Variants in PRPF40B observed in about 807,000 individuals in gnomAD.
The protein encoded by PRPF40B is pre-mRNA processing factor 40B, also known as pre-mRNA-processing factor 40 homolog B.
A neutral mutation model predicts 124.5 loss-of-function variants in PRPF40B; 56 were observed. The ratio of observed to expected loss-of-function variants is 0.45; its 90% CI spans 0.36 to 0.56. The LOEUF (loss-of-function observed/expected upper bound fraction) is 0.56. PRPF40B is among the 20% of genes least tolerant of loss of function. The pLI is 0.00. For missense variants in PRPF40B, 1,053 were observed against 1,169.5 expected, an observed-to-expected ratio of 0.90 and a Z score of 1.45; for synonymous variants, 443 against 426.4, an observed-to-expected ratio of 1.04 and a Z score of -0.48.
chr12:49,632,989 A>G, intron 6 of PRPF40B, 25 bp from the exon 7 acceptor site: 25 of 1,395,510 alleles, frequency 1.8e-5, no homozygotes, highest in African/African-American at 2.9e-5. Context: ...CTTGACCACC[A>G]TTCTGTGCCC....
Position 49,630,616 on chromosome 12 carries a change from A to G in PRPF40B, c.75A>G (p.Pro25=). The G allele has an allele frequency of 7.6e-7, 1 of 1,307,190 alleles. No individual in the cohort carries two copies. Among genetic ancestry groups the G allele is most frequent in the Non-Finnish European group, 1.1e-6 (1 of 902,534 alleles). The allele number at this position is 1,307,190 out of a possible 1,614,324, so 81.0% of individuals were successfully genotyped here. The part of the protein sequence containing the change: ...APFPPGPPMM[P]PPFMPPPGIP... ...TCCCACCGGGGCCCCCCATGATGCCACCACCCTTCGTAAGTTTTATGTCTT... is the reference window on the plus strand; with the variant it reads ...TCCCACCGGGGCCCCCCATGATGCCGCCACCCTTCGTAAGTTTTATGTCTT... The change falls in exon 2 of 26, where the codon CCA becomes CCG. Residue 25 remains proline (P), a synonymous_variant. Transcript: ENST00000548825.
chr12:49,623,973 G>A, intron 1 of PRPF40B: 2 of 1,059,364 alleles, frequency 1.9e-6, no homozygotes, highest in Non-Finnish European at 2.3e-6. Context: ...TGGGATATTT[G>A]GTGTGCGACA....
intron 1 of PRPF40B, among the ~76,000 whole-genome samples, chr12:49,626,420 C>T (rs1940722156): frequency 6.6e-6 from 1 of 152,198 alleles, no homozygotes; most frequent in African/African-American, 2.4e-5. Context: ...GCATGTCACT[C>T]TGCAAAGTAG....
chr12:49,640,848 T>G (rs1290430579), intron 18 of PRPF40B: 1 of 152,180 alleles, frequency 6.6e-6, no homozygotes, highest in East Asian at 1.9e-4. Flanking sequence ...TGTTCCAGGT[T>G]AGGTGAGGTG....
intron 6 of PRPF40B, 60 bp downstream of exon 6, chr12:49,632,940 T>A: frequency 6.2e-7 from 1 of 1,611,918 alleles, no homozygotes; most frequent in South Asian, 1.1e-5. Context: ...GGACTGATAG[T>A]TAAATCTTTG....
Position 49,642,655 on chromosome 12 carries a change from G to C in PRPF40B, c.2098G>C (p.Glu700Gln), listed in dbSNP as rs1942830447. 6 of 1,614,166 alleles carry C rather than the reference G, an allele frequency of 3.7e-6. No homozygotes were observed. Residue 700 changes from glutamate to glutamine, a missense_variant, in exon 21 of 26, where the codon GAG becomes CAG. Glu to Gln is a conservative substitution (Grantham distance 29). Around this residue, in one of 2 missense-constraint regions of PRPF40B, gnomAD observed 895 missense variants for 1,052.2 expected, o/e 0.85. Coordinates refer to ENST00000548825, the MANE Select transcript of PRPF40B (RefSeq NM_001031698.3). This position sits in a 1 kb window ranked among gnomAD's most constrained non-coding sequence, Gnocchi z 5.8. ...LESERIRLFR[E>Q]FLQVLETECQ... ...GTCGGAGCGGATCCGGCTCTTCCGG[G>C]AGTTCCTACAGGTGCTGGAGGTGAG...
chr12:49,644,084 G>A lies in PRPF40B; in HGVS notation c.2587-16G>A. 6.2e-7 allele frequency: 1 copy of A among 1,614,218 alleles called. No individual in the cohort carries two copies. Among genetic ancestry groups the A allele is most frequent in the Non-Finnish European group, 8.5e-7 (1 of 1,180,040 alleles). ...TTAGTGCAGGCTAAGGGTGAACTGTGCCTTTGCTCCAACAGACAGGCTGGG... is the reference window on the plus strand; with the variant it reads ...TTAGTGCAGGCTAAGGGTGAACTGTACCTTTGCTCCAACAGACAGGCTGGG... On this transcript the variant is annotated splice_polypyrimidine_tract_variant and intron_variant, in intron 25 of 25. Coordinates refer to ENST00000548825, the MANE Select transcript of PRPF40B (RefSeq NM_001031698.3).
intron 23 of PRPF40B, 48 bp downstream of exon 23, chr12:49,643,445 C>CT (rs1214101744): frequency 6.6e-7 from 1 of 1,521,594 alleles, no homozygotes; most frequent in South Asian, 1.3e-5. Context: ...TTGTCCCAGA[C>CT]TGAGAGGATG....
chr12:49,636,592 T>C, intron 15 of PRPF40B, 124 bp from the exon 16 acceptor site: 3 of 1,376,280 alleles, frequency 2.2e-6, no homozygotes, highest in South Asian at 2.6e-5. Context: ...CTCCAGGCCC[T>C]TCCCCCACCA....
rs543399276 is a variant in PRPF40B, at chr12:49,634,469, G to T, written c.936+14G>T. 2 of 1,614,134 alleles carry T rather than the reference G, an allele frequency of 1.2e-6. No individual in the cohort carries two copies. The highest frequency in any genetic ancestry group is 1.1e-5 in the South Asian group (1 of 91,088). ...CTGAGGGACAAGGTGCTGGAGTGGGGCTCCCAGGGAAGGTTTGGAGGGGGC... is the reference window on the plus strand; with the variant it reads ...CTGAGGGACAAGGTGCTGGAGTGGGTCTCCCAGGGAAGGTTTGGAGGGGGC... On this transcript the variant is annotated intron_variant, in intron 11 of 25. Coordinates refer to ENST00000548825, the MANE Select transcript of PRPF40B (RefSeq NM_001031698.3).
At chr12:49,623,053 C>CTT (rs76184248), upstream of PRPF40B, among the ~76,000 whole-genome samples, 80 of 139,960 alleles carry the variant, frequency 5.7e-4, no homozygotes, top group African/African-American at 1.7e-3. Flanking sequence ...GGGGATTTGT[C>CTT]TTTTTTTTTT....
At chr12:49,626,467 T>G (rs754384582) in intron 1 of PRPF40B, among the ~76,000 whole-genome samples, 4 of 152,080 alleles carry the variant, frequency 2.6e-5, no homozygotes, top group African/African-American at 4.8e-5. Context: ...GGTAGGAGTG[T>G]GTGTATGTGT....
At chr12:49,627,334 A>C (rs1940813005) in intron 1 of PRPF40B, among the ~76,000 whole-genome samples, 1 of 152,228 alleles carries the variant, frequency 6.6e-6, no homozygotes, top group Non-Finnish European at 1.5e-5. Context: ...TTATACAAAT[A>C]ACTATAAAAT....
At chr12:49,632,120 G>A (rs1215484305) in intron 4 of PRPF40B, 195 bp downstream of exon 4, 2 of 638,668 alleles carry the variant, frequency 3.1e-6, no homozygotes, top group Admixed American at 2.5e-5. Context: ...CATCCCCAAA[G>A]GCATATACAT....
At chr12:49,630,277 G>A (rs1592578944) in intron 1 of PRPF40B, among the ~76,000 whole-genome samples, 1 of 152,312 alleles carries the variant, frequency 6.6e-6, no homozygotes, top group East Asian at 1.9e-4. Context: ...CATCTTTTCT[G>A]TTGCTTTGAC....
chr12:49,623,511 T>G, upstream of PRPF40B: 1 of 1,235,192 alleles, frequency 8.1e-7, no homozygotes, highest in Non-Finnish European at 1.0e-6. Flanking sequence ...GGCCCCGCCC[T>G]CCCGGCTGCG....
intron 5 of PRPF40B, 89 bp downstream of exon 5, chr12:49,632,712 C>A: frequency 1.3e-6 from 2 of 1,595,124 alleles, no homozygotes; most frequent in Non-Finnish European, 1.7e-6. Flanking sequence ...CACCCTGGAT[C>A]ATGCCTGTTG....
Position 49,644,146 on chromosome 12 carries a change from A to G in PRPF40B, c.2633A>G (p.Glu878Gly). The G allele has an allele frequency of 2.5e-6, 4 of 1,614,136 alleles. No homozygotes were observed. The highest frequency in any genetic ancestry group is 1.3e-5 in the African/African-American group (1 of 75,048). ...SESELSEGEL[E>G]RRRRTLLQQL... ...AGTGAGCTGAGTGAGGGTGAGCTGG[A>G]GAGGCGGCGGCGGACACTCCTACAG... The change falls in exon 26 of 26, where the codon GAG becomes GGG. Residue 878 changes from glutamate to glycine, a missense_variant. Glu to Gly is a moderately conservative substitution (Grantham distance 98). Around this residue, in one of 2 missense-constraint regions of PRPF40B, gnomAD observed 895 missense variants for 1,052.2 expected, o/e 0.85. Transcript: ENST00000548825.
At chr12:49,636,040 T>A in intron 15 of PRPF40B, 47 bp downstream of exon 15, 1 of 1,606,664 alleles carries the variant, frequency 6.2e-7, no homozygotes, top group Non-Finnish European at 8.5e-7. Flanking sequence ...CTTTCTTTAC[T>A]GGACCTGGGA....
Sources: allele counts gnomAD v4.1 joint callset (sites outside exome capture counted in the v4.1 genomes callset), GRCh38; gene constraint gnomAD v4.1.1; regional missense constraint gnomAD v4.1.1; non-coding constraint Gnocchi (gnomAD v3.1); transcripts MANE v1.5; gene names NCBI Gene and HGNC (gene_info 2026-07-23, HGNC 2026-07-21).